MIB1: variants seen among roughly 807,000 people sequenced by gnomAD.
MIB1 encodes the protein MIB E3 ubiquitin protein ligase 1.
In MIB1, 278 loss-of-function variants were observed where a neutral mutation model predicts 124.5. That is an observed-to-expected ratio of 2.23 (90% CI 2.02 to 2.47). The LOEUF is 2.47. MIB1 is among the 30% of genes most tolerant of loss of function. The pLI, the probability that MIB1 is intolerant of heterozygous loss-of-function variation, is 0.00. For synonymous variants in MIB1, 446 were observed against 429.4 expected (o/e 1.04, Z -0.48); for missense variants, 957 against 1,254.4 (o/e 0.76, Z 3.58).
At chr18:21,768,545 T>G (rs2041190012) in intron 2 of MIB1, 78 bp from the exon 3 acceptor site, 2 of 1,054,898 alleles carry the variant, frequency 1.9e-6, no homozygotes, top group Non-Finnish European at 2.7e-6. Context: ...AAATAACATT[T>G]TTATAATTTT....
chr18:21,736,271 CCTG>C (rs1313489872), upstream of MIB1, among the ~76,000 whole-genome samples: 1 of 152,146 alleles, frequency 6.6e-6, no homozygotes, highest in African/African-American at 2.4e-5. Context: ...TGCCAGCAGA[CCTG>C]CAGCAGAGGT....
rs369196310 is a variant in MIB1 at position 21,769,629 on chromosome 18, G to A, written c.531+877G>A. ...ACTTAGCTTACTGTCTCTTTTGGTA[G>A]GACACACATTCTAGTAACTTCTTTT... On this transcript the variant is annotated intron_variant, in intron 3 of 20. Coordinates refer to ENST00000261537, the MANE Select transcript of MIB1 (RefSeq NM_020774.4). Among the ~76,000 whole-genome samples the A allele has an allele frequency of 1.3e-4, 20 of 152,250 alleles. No individual in the cohort carries two copies. The East Asian group carries it at 2.1e-3, about 16-fold the overall frequency.
rs530411878 is a variant in MIB1, at chr18:21,751,213, A to G, written c.229+9401A>G. Reference sequence around the variant, plus strand: ...TGAGACCCAGTCTCAAACAGAGGGGAAAAAAAAAGAAAAGAAAAAGATTGG... The same window carrying G: ...TGAGACCCAGTCTCAAACAGAGGGGGAAAAAAAAGAAAAGAAAAAGATTGG... On this transcript the variant is annotated intron_variant, in intron 1 of 20. Coordinates refer to ENST00000261537, the MANE Select transcript of MIB1 (RefSeq NM_020774.4). 1.5e-4 allele frequency among the ~76,000 whole-genome samples: 22 copies of G among 151,280 alleles called. No individual in the cohort carries two copies. In the East Asian group the frequency reaches 3.1e-3, roughly 21 times the overall value.
intron 10 of MIB1, among the ~76,000 whole-genome samples, chr18:21,805,056 A>C (rs2041688584): frequency 6.6e-6 from 1 of 152,142 alleles, no homozygotes; most frequent in South Asian, 2.1e-4. Context: ...TCTGTTGCCC[A>C]GGCTGAAGTG....
intron 8 of MIB1, among the ~76,000 whole-genome samples, chr18:21,798,963 GTTTA>G (rs1160733279): frequency 6.6e-6 from 1 of 152,022 alleles, no homozygotes; most frequent in Non-Finnish European, 1.5e-5. Flanking sequence ...CTGCCTTTTT[GTTTA>G]TTCTTTCCTG....
chr18:21,748,730 C>CTTTT (rs557338460), intron 1 of MIB1, among the ~76,000 whole-genome samples: 5 of 107,118 alleles, frequency 4.7e-5, no homozygotes, highest in Non-Finnish European at 9.2e-5. Flanking sequence ...CATGCCCAGC[C>CTTTT]TTTTTTTTTT....
At chr18:21,807,703 C>G (rs1168491611) in intron 10 of MIB1, among the ~76,000 whole-genome samples, 1 of 152,124 alleles carries the variant, frequency 6.6e-6, no homozygotes, top group Non-Finnish European at 1.5e-5. Context: ...CAGGACAGCT[C>G]TCACAACAGT....
chr18:21,721,377 C>T (rs962104212), intron 1 of MIB1, among the ~76,000 whole-genome samples: 65 of 151,600 alleles, frequency 4.3e-4, no homozygotes, highest in African/African-American at 1.5e-3. Flanking sequence ...GACAGGGTTT[C>T]GCCATGTTGG....
At chr18:21,746,680 A>T (rs1253330419) in intron 1 of MIB1, among the ~76,000 whole-genome samples, 4 of 152,166 alleles carry the variant, frequency 2.6e-5, no homozygotes, top group Admixed American at 6.5e-5. Context: ...GATAATGGAG[A>T]AAATGAATGT....
chr18:21,847,142 AT>A lies in MIB1; in HGVS notation c.2393+18del, dbSNP rs747848863. ...AAAAGTCAGGTTTGTATTATTTATT[AT>A]CATAAAACTTAATATTCTGTACAGA... On this transcript the variant is annotated intron_variant, in intron 16 of 20. Coordinates refer to ENST00000261537, the MANE Select transcript of MIB1 (RefSeq NM_020774.4). 1 of 1,603,924 alleles carries A rather than the reference AT, an allele frequency of 6.2e-7. No homozygotes were observed. The highest frequency in any genetic ancestry group is 1.1e-5 in the South Asian group (1 of 90,570).
chr18:21,714,611 G>A (rs1345139040), intron 1 of MIB1, among the ~76,000 whole-genome samples: 1 of 152,106 alleles, frequency 6.6e-6, no homozygotes, highest in African/African-American at 2.4e-5. Context: ...ATCTGGGTTG[G>A]CCTTGTGATC....
At chr18:21,808,610 A>G (rs1241642125) in intron 10 of MIB1, among the ~76,000 whole-genome samples, 2 of 152,144 alleles carry the variant, frequency 1.3e-5, no homozygotes, top group Non-Finnish European at 2.9e-5. Flanking sequence ...TCTTTTTCTT[A>G]GGGAAACCTC....
chr18:21,748,311 C>T lies in MIB1; in HGVS notation c.229+6499C>T, dbSNP rs78482001. ...GTTGTAAATTGTTCAGTGCTCTTTTCAAAACCATTCTTTTTTTGCTTTGCT... is the reference window on the plus strand; with the variant it reads ...GTTGTAAATTGTTCAGTGCTCTTTTTAAAACCATTCTTTTTTTGCTTTGCT... On this transcript the variant is annotated intron_variant, in intron 1 of 20. Coordinates refer to ENST00000261537, the MANE Select transcript of MIB1 (RefSeq NM_020774.4). Among the ~76,000 whole-genome samples the T allele has an allele frequency of 9.2e-3, 1,393 of 151,912 alleles. 18 individuals are homozygous for T. Among genetic ancestry groups the T allele is most frequent in the African/African-American group, 0.028 (1,141 of 41,336 alleles).
chr18:21,768,513 A>G (rs1052106838), intron 2 of MIB1, 110 bp from the exon 3 acceptor site: 19 of 756,320 alleles, frequency 2.5e-5, no homozygotes, highest in African/African-American at 2.5e-4. Context: ...AACCAGAACA[A>G]TGAAGAATCT....
In MIB1 at chr18:21,864,512, A is replaced by G. The variant is rs370345253; in HGVS notation, c.2881-14A>G. ...AAAGTGTCTAATTTATTACTTTGTTATCTCACATTACAGACAATGTGCCCT... is the reference window on the plus strand; with the variant it reads ...AAAGTGTCTAATTTATTACTTTGTTGTCTCACATTACAGACAATGTGCCCT... On this transcript the variant is annotated splice_polypyrimidine_tract_variant and intron_variant, in intron 20 of 20. Transcript: ENST00000261537. 14 of 1,596,924 alleles carry G rather than the reference A, an allele frequency of 8.8e-6. No individual in the cohort carries two copies. In the African/African-American group the frequency reaches 1.9e-4, roughly 21 times the overall value.
chr18:21,864,427 T>C lies in MIB1; in HGVS notation c.2881-99T>C, dbSNP rs952320130. 5 of 964,656 alleles carry C rather than the reference T, an allele frequency of 5.2e-6. No individual in the cohort carries two copies. In the African/African-American group the frequency reaches 8.2e-5, roughly 16 times the overall value. The allele number at this position is 964,656 out of a possible 1,614,324, so 59.8% of individuals were successfully genotyped here. A position where few individuals can be genotyped will look rare whatever the true frequency, so the allele number is the denominator to read the frequency against. On this transcript the variant is annotated intron_variant, in intron 20 of 20. Coordinates refer to ENST00000261537, the MANE Select transcript of MIB1 (RefSeq NM_020774.4). ...GTTTTTAAAAACCACCAAAATATTA[T>C]TTGACTAAAACAACTAAAGAAAATT...
At chr18:21,814,018 T>C (rs573685551) in intron 10 of MIB1, among the ~76,000 whole-genome samples, 5 of 152,232 alleles carry the variant, frequency 3.3e-5, no homozygotes, top group Non-Finnish European at 7.3e-5. Context: ...TACTTTTTGG[T>C]ATAAGCTATG....
chr18:21,727,766 G>C (rs2040749350), intron 1 of MIB1, among the ~76,000 whole-genome samples: 1 of 151,580 alleles, frequency 6.6e-6, no homozygotes, highest in Admixed American at 6.6e-5. Flanking sequence ...AAAACAAATA[G>C]AGTCCAGAGG....
Position 21,834,246 on chromosome 18 carries a change from T to G in MIB1, c.1830-4119T>G, listed in dbSNP as rs557408310. 1.1e-4 allele frequency among the ~76,000 whole-genome samples: 17 copies of G among 152,324 alleles called. 1 individual carries two copies. The South Asian group carries it at 3.5e-3, about 32-fold the overall frequency. On this transcript the variant is annotated intron_variant, in intron 12 of 20. Coordinates refer to ENST00000261537, the MANE Select transcript of MIB1 (RefSeq NM_020774.4). The stretch of plus-strand genomic sequence containing the variant: ...AGAAACTGTTTTGCTTAACTTTCCC[T>G]TAGCTTACCTTGCAGGCTGGGCCCA...
Sources: allele counts gnomAD v4.1 joint callset (sites outside exome capture counted in the v4.1 genomes callset), GRCh38; gene constraint gnomAD v4.1.1; transcripts MANE v1.5; gene names NCBI Gene and HGNC (gene_info 2026-07-23, HGNC 2026-07-21).